Variants in CTNNA2 observed in about 807,000 individuals in gnomAD.
The protein encoded by CTNNA2 is catenin alpha-2.
CTNNA2 carries 42 observed loss-of-function variants against 101.0 expected under a neutral mutation model. The ratio of observed to expected loss-of-function variants is 0.42; its 90% CI spans 0.32 to 0.54. The LOEUF (loss-of-function observed/expected upper bound fraction) is 0.54, where lower values mean the gene tolerates loss of function less well. CTNNA2 is among the 20% of genes least tolerant of loss of function. The probability of loss-of-function intolerance (pLI) is 0.14; values close to 1 mark genes in which losing one functional copy is unlikely to be tolerated. For missense variants in CTNNA2, 871 were observed against 1,223.1 expected (o/e 0.71, Z 4.29); for synonymous variants, 450 against 456.4 (o/e 0.99, Z 0.18).
rs1043409070 is a variant in CTNNA2 at position 79,609,951 on chromosome 2, C to T, written c.-5-41601C>T. ...GAGCTTCATCAAAAGTAAAATCTTT[C>T]GTTTTTTTGAAGGACATTGTTATAA... is the stretch of plus-strand genomic sequence containing the variant. On this transcript the variant is annotated intron_variant, in intron 1 of 18. Transcript: ENST00000402739. Among the ~76,000 whole-genome samples, 12 of 151,986 alleles carry T rather than the reference C, an allele frequency of 7.9e-5. 1 individual carries two copies. Among genetic ancestry groups the T allele is most frequent in the South Asian group, 4.1e-4 (2 of 4,836 alleles).
At chr2:79,879,669 G>A (rs1222820303) in intron 6 of CTNNA2, among the ~76,000 whole-genome samples, 1 of 152,152 alleles carries the variant, frequency 6.6e-6, no homozygotes, top group African/African-American at 2.4e-5. Context: ...CATTGATTTT[G>A]TATCCTGAGA....
intron 4 of CTNNA2, among the ~76,000 whole-genome samples, chr2:79,429,102 A>G (rs922336873): frequency 6.6e-6 from 1 of 152,182 alleles, no homozygotes; most frequent in African/African-American, 2.4e-5. Context: ...TCTACCTACA[A>G]TAGACTATCA....
chr2:80,491,949 G>T (rs1687096435), intron 9 of CTNNA2, among the ~76,000 whole-genome samples: 1 of 152,124 alleles, frequency 6.6e-6, no homozygotes, highest in Non-Finnish European at 1.5e-5. Context: ...CCGTCCATGG[G>T]AAGTGAGGAG....
Position 80,214,690 on chromosome 2 carries a change from A to G in CTNNA2, c.1057-178521A>G, listed in dbSNP as rs539224226. Among the ~76,000 whole-genome samples the G allele has an allele frequency of 2.6e-5, 4 of 151,500 alleles. No individual in the cohort carries two copies. In the South Asian group the frequency reaches 8.4e-4, roughly 32 times the overall value. ...ACCTCTCTCTCTGGCTGCCCTTAAT[A>G]TTTTTTCCTTCATTTCAACTTTGGT... On this transcript the variant is annotated intron_variant, in intron 7 of 18. Coordinates refer to ENST00000402739, the MANE Select transcript of CTNNA2 (RefSeq NM_001282597.3).
chr2:79,191,601 A>C (rs1673871310), intron 1 of CTNNA2, among the ~76,000 whole-genome samples: 1 of 152,222 alleles, frequency 6.6e-6, no homozygotes, highest in Non-Finnish European at 1.5e-5. Context: ...AATTTGGAAA[A>C]GAGAACTTTA....
At chr2:79,985,705 CAG>C (rs1691708609) in intron 7 of CTNNA2, among the ~76,000 whole-genome samples, 2 of 152,174 alleles carry the variant, frequency 1.3e-5, no homozygotes, top group South Asian at 2.1e-4. Flanking sequence ...GCACTAGAAA[CAG>C]AAGCTGCAAG....
intron 2 of CTNNA2, among the ~76,000 whole-genome samples, chr2:79,232,535 G>A (rs1311333988): frequency 7.9e-5 from 12 of 152,156 alleles, no homozygotes; most frequent in Non-Finnish European, 1.3e-4. Flanking sequence ...TTTGCTATCA[G>A]AATGATGCTG....
intron 7 of CTNNA2, among the ~76,000 whole-genome samples, chr2:79,963,235 G>T (rs1005647870): frequency 6.6e-6 from 1 of 152,150 alleles, no homozygotes; most frequent in African/African-American, 2.4e-5. Flanking sequence ...ATGTGTGTTC[G>T]TTTACATTGT....
chr2:79,476,797 C>A lies in CTNNA2; in HGVS notation c.-134-28257C>A, dbSNP rs188140912. Among the ~76,000 whole-genome samples the A allele has an allele frequency of 4.1e-4, 62 of 152,306 alleles. 1 individual carries two copies. In the East Asian group the frequency reaches 6.4e-3, roughly 16 times the overall value. On this transcript the variant is annotated intron_variant, in intron 4 of 21. Coordinates refer to the CTNNA2 transcript ENST00000466387. ...TGCTAGCCACTCGGTCTCTCGGCTA[C>A]CTTTGCCATCCCATTCAGGTCCCAT...
chr2:80,024,428 G>A (rs567581707), intron 7 of CTNNA2, among the ~76,000 whole-genome samples: 24 of 152,320 alleles, frequency 1.6e-4, no homozygotes, highest in Admixed American at 6.5e-4. Context: ...TAGAGAAGGA[G>A]TAAGGGGGTG....
chr2:79,242,335 A>T (rs1308612612), intron 2 of CTNNA2, among the ~76,000 whole-genome samples: 2 of 152,022 alleles, frequency 1.3e-5, no homozygotes, highest in Non-Finnish European at 2.9e-5. Flanking sequence ...TTCATTTTTC[A>T]ATTCTCAAAA....
chr2:79,855,628 G>A (rs1032372326), intron 3 of CTNNA2, among the ~76,000 whole-genome samples: 6 of 152,144 alleles, frequency 3.9e-5, no homozygotes, highest in African/African-American at 1.4e-4. Context: ...TCCTCCTGGG[G>A]ATCTCTGTTC....
intron 4 of CTNNA2, among the ~76,000 whole-genome samples, chr2:79,433,461 T>A (rs1678677665): frequency 6.6e-6 from 1 of 152,120 alleles, no homozygotes; most frequent in Non-Finnish European, 1.5e-5. Flanking sequence ...GATGCTTTGC[T>A]TGTTTTTAAA....
At chr2:79,482,968 A>G (rs1431191253) in intron 4 of CTNNA2, among the ~76,000 whole-genome samples, 1 of 152,218 alleles carries the variant, frequency 6.6e-6, no homozygotes, top group Non-Finnish European at 1.5e-5. Flanking sequence ...ACATAGAATC[A>G]TCCAGCAGAC....
chr2:80,600,204 G>C (rs1309066172), intron 15 of CTNNA2, among the ~76,000 whole-genome samples: 1 of 151,692 alleles, frequency 6.6e-6, no homozygotes, highest in African/African-American at 2.4e-5. Context: ...TATACAAAAG[G>C]CATAAACTGT....
chr2:79,956,680 C>T (rs895461483), intron 7 of CTNNA2, among the ~76,000 whole-genome samples: 10 of 152,108 alleles, frequency 6.6e-5, no homozygotes, highest in African/African-American at 2.4e-4. Context: ...CTCAAGTCAT[C>T]CAGTTTCAAT....
chr2:80,026,733 TC>T (rs1694955951), intron 7 of CTNNA2, among the ~76,000 whole-genome samples: 1 of 152,244 alleles, frequency 6.6e-6, no homozygotes, highest in Non-Finnish European at 1.5e-5. Flanking sequence ...TTTTATAGTT[TC>T]TTAAGAAACT....
At chr2:79,921,985 G>T (rs1686688238) in intron 7 of CTNNA2, among the ~76,000 whole-genome samples, 1 of 152,104 alleles carries the variant, frequency 6.6e-6, no homozygotes, top group African/African-American at 2.4e-5. Flanking sequence ...AGCTGGGAAG[G>T]TTTATTTTAG....
At chr2:80,404,581 A>G (rs1678889694) in intron 8 of CTNNA2, among the ~76,000 whole-genome samples, 1 of 152,168 alleles carries the variant, frequency 6.6e-6, no homozygotes, top group African/African-American at 2.4e-5. Flanking sequence ...AGTTGGGGAA[A>G]GGAGAAACAG....
Sources: gnomAD v4.1 joint callset for allele counts (sites outside exome capture counted in the v4.1 genomes callset) on GRCh38, gnomAD v4.1.1 for gene constraint, MANE v1.5 for transcripts, NCBI Gene and HGNC (gene_info 2026-07-23, HGNC 2026-07-21) for gene names.